ARHGEF4: variants seen among roughly 807,000 people sequenced by gnomAD.
The protein encoded by ARHGEF4 is APC-stimulated guanine nucleotide exchange factor 1.
ARHGEF4 carries 119 observed loss-of-function variants against 162.0 expected under a neutral mutation model. The ratio of observed to expected loss-of-function variants is 0.73; its 90% confidence interval spans 0.63 to 0.86. The LOEUF (loss-of-function observed/expected upper bound fraction) is 0.86, where lower values mean the gene tolerates loss of function less well. ARHGEF4 is among the 40% of genes least tolerant of loss of function. ARHGEF4 has a pLI of 0.00. For missense variants in ARHGEF4, 2,488 were observed against 2,456.0 expected (o/e 1.01, Z -0.28); for synonymous variants, 1,014 against 979.9 (o/e 1.03, Z -0.65).
chr2:131,026,046 C>T (rs1457083781), intron 4 of ARHGEF4, among the ~76,000 whole-genome samples: 2 of 152,134 alleles, frequency 1.3e-5, no homozygotes, highest in Non-Finnish European at 2.9e-5. Context: ...ATTATTGTGC[C>T]TCCTGCAAGA....
intron 2 of ARHGEF4, among the ~76,000 whole-genome samples, chr2:130,930,470 G>A (rs545497340): frequency 6.6e-6 from 1 of 152,284 alleles, no homozygotes; most frequent in East Asian, 1.9e-4. Context: ...CGGCAACCAG[G>A]GATGGTGGTG....
At chr2:130,992,455 A>AAACAACTCC (rs1408785250) in intron 4 of ARHGEF4, among the ~76,000 whole-genome samples, 7 of 152,066 alleles carry the variant, frequency 4.6e-5, no homozygotes, top group Non-Finnish European at 8.8e-5. Context: ...CGGGAGGAAC[A>AAACAACTCC]AACAACTCCA....
chr2:130,967,402 A>C (rs1685075784), intron 4 of ARHGEF4, among the ~76,000 whole-genome samples: 1 of 152,122 alleles, frequency 6.6e-6, no homozygotes, highest in Non-Finnish European at 1.5e-5. Flanking sequence ...GCTGGTACTC[A>C]GCTGAAGCTT....
At chr2:130,992,891 C>G (rs1361037244) in intron 4 of ARHGEF4, among the ~76,000 whole-genome samples, 2 of 152,184 alleles carry the variant, frequency 1.3e-5, no homozygotes, top group African/African-American at 2.4e-5. Flanking sequence ...CGAGACCAGC[C>G]TGGCCAGCAT....
chr2:130,993,057 C>T (rs529399466), intron 4 of ARHGEF4, among the ~76,000 whole-genome samples: 1 of 152,308 alleles, frequency 6.6e-6, no homozygotes, highest in East Asian at 1.9e-4. Context: ...GCACTCCAGT[C>T]TGGGCAACAG....
intron 3 of ARHGEF4, among the ~76,000 whole-genome samples, chr2:130,943,447 G>A (rs1332678040): frequency 6.6e-6 from 1 of 151,982 alleles, no homozygotes; most frequent in African/African-American, 2.4e-5. Flanking sequence ...CAAACTTAAT[G>A]TATTTATTGA....
intron 2 of ARHGEF4, among the ~76,000 whole-genome samples, chr2:130,919,980 T>C (rs540390964): frequency 3.9e-4 from 59 of 152,282 alleles, no homozygotes; most frequent in African/African-American, 1.4e-3. Context: ...AAGGCAGATA[T>C]TCCTGGAAGT....
chr2:131,026,078 A>G (rs1689459359), intron 4 of ARHGEF4, among the ~76,000 whole-genome samples: 1 of 152,222 alleles, frequency 6.6e-6, no homozygotes, highest in Non-Finnish European at 1.5e-5. Flanking sequence ...ATGCAGACCC[A>G]GCTATCTAGA....
intron 4 of ARHGEF4, among the ~76,000 whole-genome samples, chr2:130,956,674 C>T (rs1684294735): frequency 6.6e-6 from 1 of 151,764 alleles, no homozygotes; most frequent in Non-Finnish European, 1.5e-5. Context: ...TTTGTAGGGA[C>T]GTGGATGAAA....
At chr2:131,039,611 A>C in intron 6 of ARHGEF4, 1 of 1,055,368 alleles carries the variant, frequency 9.5e-7, no homozygotes, top group Non-Finnish European at 1.1e-6. Context: ...ATCCCCTGGG[A>C]AACTGTCCAC....
chr2:130,959,142 A>G (rs1684481579), intron 4 of ARHGEF4, among the ~76,000 whole-genome samples: 1 of 151,896 alleles, frequency 6.6e-6, no homozygotes. Flanking sequence ...GGGTTTCTCC[A>G]TGTTGGCCAG....
chr2:130,901,526 T>TC (rs1325796335), intron 1 of ARHGEF4, among the ~76,000 whole-genome samples: 1 of 150,958 alleles, frequency 6.6e-6, no homozygotes, highest in East Asian at 1.9e-4. Context: ...CCATATTCTT[T>TC]TTTTTTTTTT....
intron 4 of ARHGEF4, among the ~76,000 whole-genome samples, chr2:131,014,154 G>T (rs1688636486): frequency 6.6e-6 from 1 of 152,156 alleles, no homozygotes; most frequent in South Asian, 2.1e-4. Flanking sequence ...CCTTGGGTTT[G>T]TACTCCAAAA....
At position 130,922,398 on chromosome 2, in the gene ARHGEF4, A is replaced by G. The variant is rs551268027; in HGVS notation, c.3552+4900A>G. On this transcript the variant is annotated intron_variant, in intron 2 of 13. Coordinates refer to ENST00000409359, the MANE Select transcript of ARHGEF4 (RefSeq NM_001367493.1). ...AAAAAAAAAAAAGAGTTTATTCAGC[A>G]CAGAAGTCGAGGACTGCAGCCTGGG... Among the ~76,000 whole-genome samples the G allele has an allele frequency of 2.4e-4, 36 of 152,182 alleles. No individual in the cohort carries two copies. The East Asian group carries it at 6.8e-3, about 29-fold the overall frequency.
At chr2:130,997,934 C>G (rs1687511327) in intron 4 of ARHGEF4, among the ~76,000 whole-genome samples, 1 of 151,822 alleles carries the variant, frequency 6.6e-6, no homozygotes, top group Non-Finnish European at 1.5e-5. Context: ...ACGCACACCT[C>G]CCCCAGGAGC....
At chr2:131,025,564 T>G (rs1452264309) in intron 4 of ARHGEF4, among the ~76,000 whole-genome samples, 1 of 152,252 alleles carries the variant, frequency 6.6e-6, no homozygotes, top group African/African-American at 2.4e-5. Flanking sequence ...TGTTCATCCT[T>G]CCATTGGTTT....
chr2:130,855,788 A>G (rs535697808), intron 1 of ARHGEF4, among the ~76,000 whole-genome samples: 11 of 152,318 alleles, frequency 7.2e-5, no homozygotes, highest in South Asian at 6.2e-4. Flanking sequence ...CTAAGTCGTT[A>G]TTGCTTACTT....
Position 130,915,815 on chromosome 2 carries a change from G to A in ARHGEF4, c.1869G>A (p.Glu623=). 6.6e-7 allele frequency: 1 copy of A among 1,524,454 alleles called. No individual in the cohort carries two copies. The highest frequency in any genetic ancestry group is 8.8e-7 in the Non-Finnish European group (1 of 1,134,620). The allele number at this position is 1,524,454 out of a possible 1,614,324, so 94.4% of individuals were successfully genotyped here. The change falls in exon 2 of 14, where the codon GAG becomes GAA. Residue 623 remains glutamate (E), a synonymous_variant. Transcript: ENST00000409359. ...AGCTGGAGCCCAAAGCAGGCGGCGA[G>A]GCCTCGAGGGGCAGGGGCGCCCTCA... is the stretch of plus-strand genomic sequence containing the variant. ...GRQLEPKAGG[E]ASRGRGALII... is the part of the protein sequence containing the mutation.
chr2:130,979,475 C>T (rs930161648), intron 4 of ARHGEF4, among the ~76,000 whole-genome samples: 4 of 152,116 alleles, frequency 2.6e-5, no homozygotes, highest in Non-Finnish European at 5.9e-5. Context: ...ATGGCTCATG[C>T]CTGTAATCCC....
Sources: allele counts gnomAD v4.1 joint callset (sites outside exome capture counted in the v4.1 genomes callset), GRCh38; gene constraint gnomAD v4.1.1; transcripts MANE v1.5; gene names NCBI Gene and HGNC (gene_info 2026-07-23, HGNC 2026-07-21).